Variants in NELL1 observed in about 807,000 individuals in gnomAD.
The protein encoded by NELL1 is protein kinase C-binding protein NELL1.
A neutral mutation model predicts 107.4 loss-of-function variants in NELL1; 76 were observed. That is an observed-to-expected ratio of 0.71 (90% confidence interval 0.59 to 0.86). The LOEUF (loss-of-function observed/expected upper bound fraction) is 0.86, where lower values mean the gene tolerates loss of function less well. Ranked by LOEUF, NELL1 falls within the 40% of genes least tolerant of loss-of-function variation. The pLI is 0.00. For missense variants in NELL1, 1,024 were observed against 1,005.5 expected (o/e 1.02, Z -0.25); for synonymous variants, 353 against 341.2 (o/e 1.03, Z -0.38).
intron 15 of NELL1, among the ~76,000 whole-genome samples, chr11:21,424,611 ACT>A (rs1453482813): frequency 2.3e-4 from 35 of 152,088 alleles, no homozygotes; most frequent in African/African-American, 8.2e-4. Flanking sequence ...ACAGAGCAAG[ACT>A]CTATCTCAAA....
chr11:21,550,284 G>A lies in NELL1; in HGVS notation c.1787-9905G>A, dbSNP rs1171420489. On this transcript the variant is annotated intron_variant, in intron 16 of 19. Transcript: ENST00000357134. ...GGTTGCAAAAATTTTCTCCCATTTT[G>A]TAGGTTGCCTGTTCACTCTGATGGT... 2.0e-5 allele frequency among the ~76,000 whole-genome samples: 3 copies of A among 152,024 alleles called. No individual in the cohort carries two copies. The South Asian group carries it at 6.2e-4, about 32-fold the overall frequency.
intron 13 of NELL1, among the ~76,000 whole-genome samples, chr11:21,185,610 T>C (rs1856919716): frequency 6.6e-6 from 1 of 151,748 alleles, no homozygotes; most frequent in Non-Finnish European, 1.5e-5. Flanking sequence ...GTTTTTTTAC[T>C]ACTTACCATG....
intron 15 of NELL1, among the ~76,000 whole-genome samples, chr11:21,447,726 A>C (rs1340173008): frequency 6.6e-6 from 1 of 152,102 alleles, no homozygotes; most frequent in African/African-American, 2.4e-5. Flanking sequence ...CTTGTGTCTT[A>C]CTTGCCTGGC....
At chr11:21,516,086 C>A (rs1855554774) in intron 15 of NELL1, among the ~76,000 whole-genome samples, 1 of 152,156 alleles carries the variant, frequency 6.6e-6, no homozygotes, top group African/African-American at 2.4e-5. Context: ...AAGAAAGGGG[C>A]AACTTTGCTT....
chr11:20,713,227 C>T (rs201871360), intron 2 of NELL1, among the ~76,000 whole-genome samples: 8 of 151,958 alleles, frequency 5.3e-5, no homozygotes, highest in South Asian at 2.1e-4. Flanking sequence ...TACAAAGCTC[C>T]GGAGTGTCTG....
At chr11:21,189,681 C>T (rs1590717878) in intron 13 of NELL1, among the ~76,000 whole-genome samples, 2 of 141,504 alleles carry the variant, frequency 1.4e-5, no homozygotes, top group East Asian at 2.0e-4. Context: ...TTGTTTCTTC[C>T]TTTTTTTTTT....
chr11:20,875,813 A>G (rs538908807), intron 4 of NELL1, among the ~76,000 whole-genome samples: 1 of 152,314 alleles, frequency 6.6e-6, no homozygotes, highest in South Asian at 2.1e-4. Flanking sequence ...AAGAAGAAAA[A>G]GCACCCTTAT....
At chr11:21,246,830 C>G (rs535652984) in intron 14 of NELL1, among the ~76,000 whole-genome samples, 2 of 152,088 alleles carry the variant, frequency 1.3e-5, no homozygotes, top group African/African-American at 4.8e-5. Context: ...AAAAGGCACA[C>G]CTTACATGGT....
intron 14 of NELL1, chr11:21,260,588 A>T (rs565418523): frequency 1.3e-5 from 2 of 152,018 alleles, no homozygotes; most frequent in South Asian, 2.1e-4. Context: ...ACTGTAGTTC[A>T]GTGAAGAAGA....
chr11:21,385,448 A>G (rs776776509), intron 15 of NELL1, among the ~76,000 whole-genome samples: 7 of 151,892 alleles, frequency 4.6e-5, no homozygotes, highest in Non-Finnish European at 1.0e-4. Context: ...TTTTTGGATC[A>G]TATGTAGCCA....
intron 13 of NELL1, among the ~76,000 whole-genome samples, chr11:21,195,582 A>T (rs1460617632): frequency 6.6e-6 from 1 of 151,934 alleles, no homozygotes; most frequent in Non-Finnish European, 1.5e-5. Context: ...AAAAAAAAAA[A>T]AAAAAAGGGC....
At chr11:20,972,760 G>A (rs1170768618) in intron 12 of NELL1, among the ~76,000 whole-genome samples, 1 of 152,124 alleles carries the variant, frequency 6.6e-6, no homozygotes. Flanking sequence ...TTTAAAAGAG[G>A]TGATAAGATC....
At chr11:21,176,971 T>C (rs1856726794) in intron 13 of NELL1, among the ~76,000 whole-genome samples, 2 of 151,892 alleles carry the variant, frequency 1.3e-5, no homozygotes, top group South Asian at 4.2e-4. Context: ...TTTTTATTTT[T>C]AATTTACAAA....
chr11:21,302,881 C>A (rs1197939446), intron 14 of NELL1, among the ~76,000 whole-genome samples: 1 of 151,252 alleles, frequency 6.6e-6, no homozygotes, highest in Non-Finnish European at 1.5e-5. Flanking sequence ...TATAGTGAGA[C>A]CCTATCTCTA....
chr11:21,466,083 G>A (rs1187657369), intron 15 of NELL1, among the ~76,000 whole-genome samples: 1 of 152,184 alleles, frequency 6.6e-6, no homozygotes, highest in Non-Finnish European at 1.5e-5. Context: ...ACCTAGAGAG[G>A]GGGAGGAATT....
intron 14 of NELL1, among the ~76,000 whole-genome samples, chr11:21,338,698 C>CT (rs5790175): frequency 0.5 from 75,105 of 150,846 alleles, 18,976 homozygotes; most frequent in African/African-American, 0.61. Context: ...CAAACATTTC[C>CT]TTTTTTTTTG....
intron 14 of NELL1, among the ~76,000 whole-genome samples, chr11:21,337,841 C>CTTTCTTTCT (rs1222864703): frequency 4.4e-4 from 41 of 92,814 alleles, no homozygotes; most frequent in Middle Eastern, 0.011. Context: ...TCTTTCTTTT[C>CTTTCTTTCT]TTTCTTTCTT....
chr11:21,511,996 C>T (rs1033521271), intron 15 of NELL1, among the ~76,000 whole-genome samples: 2 of 152,192 alleles, frequency 1.3e-5, no homozygotes, highest in African/African-American at 4.8e-5. Context: ...GAGTCAGATC[C>T]AGGGCCCAGA....
chr11:21,076,384 C>G (rs1405397721), intron 12 of NELL1, among the ~76,000 whole-genome samples: 1 of 152,200 alleles, frequency 6.6e-6, no homozygotes, highest in Non-Finnish European at 1.5e-5. Flanking sequence ...ATTTCACACA[C>G]AGTGGTGGAG....
Sources: allele counts gnomAD v4.1 joint callset (sites outside exome capture counted in the v4.1 genomes callset), GRCh38; gene constraint gnomAD v4.1.1; transcripts MANE v1.5; gene names NCBI Gene and HGNC (gene_info 2026-07-23, HGNC 2026-07-21).